HUWE1: variants seen among roughly 807,000 people sequenced by gnomAD.
HUWE1 encodes the protein HECT, UBA and WWE domain containing E3 ubiquitin protein ligase 1, also known as E3 ubiquitin-protein ligase HUWE1.
HUWE1 carries 18 observed loss-of-function variants against 299.4 expected under a neutral mutation model. The observed-to-expected ratio is 0.06, with a 90% CI of 0.04 to 0.09. HUWE1 has a LOEUF of 0.09. Among genes scored for constraint, HUWE1 ranks in the 10% least tolerant of loss-of-function variants. The probability of loss-of-function intolerance (pLI) is 1.00; values close to 1 mark genes in which losing one functional copy is unlikely to be tolerated. For missense variants in HUWE1, 1,832 were observed against 3,462.3 expected, an observed-to-expected ratio of 0.53 and a Z score of 11.82; for synonymous variants, 1,317 against 1,286.1, an observed-to-expected ratio of 1.02 and a Z score of -0.51.
chrX:53,618,972 A>G (rs887047403), intron 19 of HUWE1, among the ~76,000 whole-genome samples: 12 of 112,066 alleles, frequency 1.1e-4, no homozygotes, highest in African/African-American at 3.9e-4. Flanking sequence ...TTCCCAACTC[A>G]TAAGACTACA....
intron 3 of HUWE1, among the ~76,000 whole-genome samples, chrX:53,672,377 C>T (rs1214026520): frequency 9.2e-6 from 1 of 108,425 alleles, no homozygotes; most frequent in Non-Finnish European, 1.9e-5. Flanking sequence ...ATTCTCCTGC[C>T]TCAGCCTCCC....
Position 53,547,683 on chromosome X carries a change from A to G in HUWE1, c.10626T>C (p.Thr3542=). ...TTVTTPTTAT[T]TVSISPTTKG... ...TACATCCACACTTACTTGAAACAGT[A>G]GTGGTAGCAGTCGTGGGGGTAGTCA... The change falls in exon 68 of 84, where the codon ACT becomes ACC. Residue 3542 remains threonine (T), a synonymous_variant. Transcript: ENST00000262854. 8.3e-7 allele frequency: 1 copy of G among 1,210,179 alleles called. No individual in the cohort carries two copies. Among genetic ancestry groups the G allele is most frequent in the African/African-American group, 1.7e-5 (1 of 57,783 alleles).
intron 25 of HUWE1, among the ~76,000 whole-genome samples, chrX:53,605,272 GACAACCCAAGGATTAT>G (rs781936792): frequency 3.6e-5 from 4 of 112,203 alleles, no homozygotes; most frequent in African/African-American, 6.5e-5. Flanking sequence ...GTTTTTATCA[GACAACCCAAGGATTAT>G]ACGACCCTTG....
At chrX:53,626,978 G>C (rs1557018318) in intron 17 of HUWE1, among the ~76,000 whole-genome samples, 1 of 111,222 alleles carries the variant, frequency 9.0e-6, no homozygotes, top group Non-Finnish European at 1.9e-5. Context: ...CTCAAAATAG[G>C]TAAAGTTTTA....
At chrX:53,599,557 C>A (rs1556988227) in intron 29 of HUWE1, among the ~76,000 whole-genome samples, 1 of 111,809 alleles carries the variant, frequency 8.9e-6, no homozygotes, top group Non-Finnish European at 1.9e-5. Context: ...TGTATGCTGC[C>A]AATACAGTCT....
rs782428300 is a variant in HUWE1 at position 53,565,071 on chromosome X, G to A, written c.6876C>T (p.Asp2292=). The change falls in exon 50 of 84, where the codon GAC becomes GAT. Residue 2292 remains aspartate, a synonymous_variant. Transcript: ENST00000262854. ...ASQDSSSNQQ[D]PGEPGEAEVQ... is the part of the protein sequence containing the mutation. ...CCATTGGCTCTGATTCCCTACCTGG[G>A]TCCTGCTGGTTGCTACTGGAATCTT... The A allele has an allele frequency of 8.3e-7, 1 of 1,210,500 alleles. No individual in the cohort carries two copies. The highest frequency in any genetic ancestry group is 1.8e-5 in the South Asian group (1 of 56,958).
chrX:53,615,605 A>G lies in HUWE1; in HGVS notation c.2049+139T>C, dbSNP rs1557006669. ...CTTTTTATAAAGGACCAACCTAAGG[A>G]CATGGAAACAATGAGGCAGACATAA... is the stretch of plus-strand genomic sequence containing the variant. On this transcript the variant is annotated intron_variant, in intron 22 of 83. Transcript: ENST00000262854. 6 of 504,702 alleles carry G rather than the reference A, an allele frequency of 1.2e-5. No individual in the cohort carries two copies. The Admixed American group carries it at 1.7e-4, about 14-fold the overall frequency. The allele number at this position is 504,702 out of a possible 1,213,427, so 41.6% of individuals were successfully genotyped here. A position where few individuals can be genotyped will look rare whatever the true frequency, so the allele number is the denominator to read the frequency against.
chrX:53,578,187 T>C (rs1376871954), intron 43 of HUWE1, among the ~76,000 whole-genome samples: 2 of 92,242 alleles, frequency 2.2e-5, no homozygotes, highest in Non-Finnish European at 4.3e-5. Flanking sequence ...CTGTCTGGGA[T>C]GTGAGGAGCG....
intron 4 of HUWE1, among the ~76,000 whole-genome samples, chrX:53,649,506 C>T (rs1211462330): frequency 2.7e-5 from 3 of 112,117 alleles, no homozygotes; most frequent in African/African-American, 6.5e-5. Flanking sequence ...TTTCTTTAAG[C>T]TAAGTCCAAA....
intron 51 of HUWE1, 100 bp from the exon 52 acceptor site, chrX:53,563,921 GATAAC>G: frequency 1.1e-6 from 1 of 909,688 alleles, no homozygotes; most frequent in Non-Finnish European, 1.6e-6. Context: ...ACATTTCTAG[GATAAC>G]ATGTGACAGA....
rs1556993447 is a variant in HUWE1 at position 53,603,492 on chromosome X, G to A, written c.2752C>T (p.Arg918Cys). The A allele has an allele frequency of 8.3e-7, 1 of 1,208,610 alleles. No homozygotes were observed. The highest frequency in any genetic ancestry group is 3.0e-5 in the East Asian group (1 of 33,793). ...HTCRVGQSEI[R>C]SISVNQWGSQ... ...CCCCACTGGTTTACGGAGATGGAAC[G>A]AATTTCACTCTGCAATCATAACAAG... is the stretch of plus-strand genomic sequence containing the variant. The change falls in exon 27 of 84, where the codon CGT becomes TGT. Residue 918 changes from arginine to cysteine, a missense_variant. By Grantham distance (180) the Arg-to-Cys change is radical. Around this residue, in one of 15 missense-constraint regions of HUWE1, gnomAD observed 658 missense variants for 1,282.6 expected, o/e 0.51. Coordinates refer to ENST00000262854, the MANE Select transcript of HUWE1 (RefSeq NM_031407.7).
intron 23 of HUWE1, among the ~76,000 whole-genome samples, chrX:53,613,959 A>G (rs1208617370): frequency 8.9e-6 from 1 of 112,380 alleles, no homozygotes; most frequent in Non-Finnish European, 1.9e-5. Flanking sequence ...TTTCATCAAC[A>G]GCTTTTAAGA....
At chrX:53,576,027 C>T (rs1255716110) in intron 44 of HUWE1, among the ~76,000 whole-genome samples, 1 of 112,309 alleles carries the variant, frequency 8.9e-6, no homozygotes, top group Non-Finnish European at 1.9e-5. Context: ...CTTAAGTGAA[C>T]ATACCTGGCA....
chrX:53,639,764 T>C (rs1014102235), intron 7 of HUWE1, among the ~76,000 whole-genome samples: 3 of 104,696 alleles, frequency 2.9e-5, no homozygotes, highest in Non-Finnish European at 5.6e-5. Context: ...GAATGGCATG[T>C]AGTTTCTCTG....
chrX:53,556,810 A>C (rs1418673569), intron 60 of HUWE1, among the ~76,000 whole-genome samples: 2 of 112,639 alleles, frequency 1.8e-5, no homozygotes, highest in Non-Finnish European at 3.8e-5. Context: ...ATGTAAGAAA[A>C]AACATCCAAT....
intron 59 of HUWE1, among the ~76,000 whole-genome samples, chrX:53,557,948 C>T (rs1556936718): frequency 9.0e-6 from 1 of 111,567 alleles, no homozygotes; most frequent in African/African-American, 3.3e-5. Flanking sequence ...TACCTGATTC[C>T]TTAACTGCTG....
chrX:53,570,046 T>C lies in HUWE1; in HGVS notation c.6313-219A>G, dbSNP rs1200583678. Among the ~76,000 whole-genome samples the C allele has an allele frequency of 3.6e-5, 4 of 112,669 alleles. No individual in the cohort carries two copies. The Admixed American group carries it at 3.7e-4, about 11-fold the overall frequency. On this transcript the variant is annotated intron_variant, in intron 47 of 83. Coordinates refer to ENST00000262854, the MANE Select transcript of HUWE1 (RefSeq NM_031407.7). ...CTTCCAAATGCCACCCATTTCCCAC[T>C]GCACAGCTTATACACTGTTATGTAG...
intron 3 of HUWE1, among the ~76,000 whole-genome samples, chrX:53,661,996 A>T (rs1238752993): frequency 2.7e-5 from 3 of 111,794 alleles, no homozygotes; most frequent in Non-Finnish European, 3.8e-5. Flanking sequence ...TTCAATACTG[A>T]ATCAGTTTAA....
Position 53,654,039 on chromosome X carries a change from CAAAGT to C in HUWE1, c.45+19_45+23del. ...TATTTTTTAATGAAGAAAAAATAAG[CAAAGT>C]AAACTTTTGGATACTTACAGCCTCA... On this transcript the variant is annotated intron_variant, in intron 4 of 83. Coordinates refer to ENST00000262854, the MANE Select transcript of HUWE1 (RefSeq NM_031407.7). 9.0e-7 allele frequency: 1 copy of C among 1,114,439 alleles called. No homozygotes were observed. 91.8% of individuals were successfully genotyped at this position (1,114,439 alleles called of 1,213,427 possible).
Sources: allele counts gnomAD v4.1 joint callset (sites outside exome capture counted in the v4.1 genomes callset), GRCh38; gene constraint gnomAD v4.1.1; regional missense constraint gnomAD v4.1.1; transcripts MANE v1.5; gene names NCBI Gene and HGNC (gene_info 2026-07-23, HGNC 2026-07-21).